Variants in STN1 observed in about 807,000 individuals in gnomAD.
STN1 encodes the protein CST complex subunit STN1.
A neutral mutation model predicts 45.5 loss-of-function variants in STN1; 29 were observed. That is an observed-to-expected ratio of 0.64 (90% CI 0.47 to 0.87). The LOEUF is 0.87. Ranked by LOEUF, STN1 falls within the 40% of genes least tolerant of loss-of-function variation. STN1 has a pLI of 0.00. For synonymous variants in STN1, 148 were observed against 159.0 expected (o/e 0.93, Z 0.52); for missense variants, 376 against 441.4 (o/e 0.85, Z 1.33).
chr10:103,892,545 C>A (rs1325554200), intron 7 of STN1, among the ~76,000 whole-genome samples: 1 of 151,866 alleles, frequency 6.6e-6, no homozygotes, highest in Non-Finnish European at 1.5e-5. Context: ...CACTGTTGGA[C>A]AATCTTTGAC....
At chr10:103,913,474 C>T (rs1376064168) in intron 2 of STN1, among the ~76,000 whole-genome samples, 1 of 151,718 alleles carries the variant, frequency 6.6e-6, no homozygotes, top group Non-Finnish European at 1.5e-5. Context: ...ATCTTAAAAG[C>T]ATCACAGAAC....
chr10:103,898,144 T>C (rs1843183660), intron 6 of STN1: 1 of 163,032 alleles, frequency 6.1e-6, no homozygotes, highest in Non-Finnish European at 1.3e-5. Flanking sequence ...TCACTTTTTA[T>C]ATGAGTCTAT....
chr10:103,900,143 T>A lies in STN1; in HGVS notation c.376A>T (p.Ile126Leu), dbSNP rs1378993349. Residue 126 changes from isoleucine (I) to leucine (L), a missense_variant, in exon 5 of 10, where the codon ATA becomes TTA. Transcript: ENST00000224950. Reference protein sequence around the residue: ...LQETIEQKTKIEIGDTIRVRG... With the variant: ...LQETIEQKTKLEIGDTIRVRG... ...ACTCGGATCGTGTCCCCGATCTCTA[T>A]CTTTGTTTTCTGCTCAATGGTCTCT... The A allele has an allele frequency of 6.2e-7, 1 of 1,614,090 alleles. No individual in the cohort carries two copies. The highest frequency in any genetic ancestry group is 8.5e-7 in the Non-Finnish European group (1 of 1,180,036).
Position 103,897,541 on chromosome 10 carries a change from C to T in STN1, c.753+7G>A. ...CCAGAATTCTCACATGGGCATGCTG[C>T]ACTCACTTGGTCGGAGGAGGCACTG... is the stretch of plus-strand genomic sequence containing the variant. On this transcript the variant is annotated splice_region_variant and intron_variant, in intron 7 of 9. Coordinates refer to ENST00000224950, the MANE Select transcript of STN1 (RefSeq NM_024928.5). The T allele has an allele frequency of 1.2e-6, 2 of 1,613,516 alleles. No homozygotes were observed. The highest frequency in any genetic ancestry group is 1.7e-6 in the Non-Finnish European group (2 of 1,179,546).
chr10:103,917,000 A>G (rs1343125171), intron 2 of STN1, among the ~76,000 whole-genome samples: 1 of 152,082 alleles, frequency 6.6e-6, no homozygotes, highest in Non-Finnish European at 1.5e-5. Context: ...CCCTTTACAT[A>G]TCAGGAATCA....
At chr10:103,906,688 A>C (rs1843243774) in intron 3 of STN1, among the ~76,000 whole-genome samples, 2 of 151,948 alleles carry the variant, frequency 1.3e-5, no homozygotes, top group Non-Finnish European at 2.9e-5. Context: ...TAAAGAGCTC[A>C]TATAAATTAA....
rs1253833555 is a variant in STN1 at position 103,917,454 on chromosome 10, C to A, written c.133+8G>T. 8 of 1,612,092 alleles carry A rather than the reference C, an allele frequency of 5.0e-6. No individual in the cohort carries two copies. The highest frequency in any genetic ancestry group is 6.8e-6 in the Non-Finnish European group (8 of 1,179,066). On this transcript the variant is annotated splice_region_variant and intron_variant, in intron 2 of 9. Transcript: ENST00000224950. ...GCCCAGGGCATCCCAGGGTGGCTAG[C>A]CACATACCTGGCACCTGGCGGGACT...
chr10:103,882,844 G>A lies in STN1; in HGVS notation c.950-3C>T, dbSNP rs1337007246. 2.5e-6 allele frequency: 4 copies of A among 1,608,612 alleles called. No individual in the cohort carries two copies. The highest frequency in any genetic ancestry group is 3.4e-6 in the Non-Finnish European group (4 of 1,176,758). ...GAAGTGACAGCCCTTCTCCATGTCTGCAGGAAAAAGGTAGGTGGCTGAGTG... is the reference window on the plus strand; with the variant it reads ...GAAGTGACAGCCCTTCTCCATGTCTACAGGAAAAAGGTAGGTGGCTGAGTG... On this transcript the variant is annotated splice_polypyrimidine_tract_variant and splice_region_variant and intron_variant, in intron 9 of 9. Coordinates refer to ENST00000224950, the MANE Select transcript of STN1 (RefSeq NM_024928.5).
rs1843112345 is a variant in STN1 at position 103,887,609 on chromosome 10, C to T, written c.949+1463G>A. On this transcript the variant is annotated intron_variant, in intron 9 of 9. Transcript: ENST00000224950. ...CCTTATAACATCTTTTATCAGCATTCTCAGTAGCTCAGGCTTCAGAATTCA... is the reference window on the plus strand; with the variant it reads ...CCTTATAACATCTTTTATCAGCATTTTCAGTAGCTCAGGCTTCAGAATTCA... Among the ~76,000 whole-genome samples, 2 of 152,160 alleles carry T rather than the reference C, an allele frequency of 1.3e-5. 1 individual carries two copies. Among genetic ancestry groups the T allele is most frequent in the South Asian group, 4.1e-4 (2 of 4,834 alleles).
At chr10:103,906,399 A>C (rs75581774) in intron 3 of STN1, among the ~76,000 whole-genome samples, 1 of 152,204 alleles carries the variant, frequency 6.6e-6, no homozygotes, top group Non-Finnish European at 1.5e-5. Flanking sequence ...GCTCATGCCT[A>C]TAATCCCAGC....
intron 3 of STN1, among the ~76,000 whole-genome samples, chr10:103,906,269 A>G (rs991552224): frequency 1.3e-5 from 2 of 152,362 alleles, no homozygotes; most frequent in Admixed American, 1.3e-4. Flanking sequence ...TCTTAAAATC[A>G]GAACTCATTA....
intron 5 of STN1, 65 bp downstream of exon 5, chr10:103,899,997 A>T: frequency 6.6e-7 from 1 of 1,517,566 alleles, no homozygotes; most frequent in Non-Finnish European, 9.1e-7. Context: ...TTCCAGCTGA[A>T]CAAGAGGTTT....
At position 103,909,444 on chromosome 10, in the gene STN1, G is replaced by GTATATATGTA. The variant is rs1564635048; in HGVS notation, c.229+1073_229+1082dup. On this transcript the variant is annotated intron_variant, in intron 3 of 9. Transcript: ENST00000224950. Reference sequence around the variant, plus strand: ...TATATGTATATATATGTATATATATGTATATATGTATATATGTATATATAT... The same window carrying GTATATATGTA: ...TATATGTATATATATGTATATATATGTATATATGTATATATATGTATATATGTATATATAT... Among the ~76,000 whole-genome samples the GTATATATGTA allele has an allele frequency of 6.8e-4, 34 of 49,902 alleles. 2 individuals carry two copies. Among genetic ancestry groups the GTATATATGTA allele is most frequent in the East Asian group, 2.0e-3 (3 of 1,516 alleles). The allele number at this position is 49,902 out of a possible 152,430, so 32.7% of individuals were successfully genotyped here. A position where few individuals can be genotyped will look rare whatever the true frequency, so the allele number is the denominator to read the frequency against.
intron 7 of STN1, among the ~76,000 whole-genome samples, chr10:103,892,644 G>A (rs1203592305): frequency 6.6e-6 from 1 of 151,946 alleles, no homozygotes; most frequent in African/African-American, 2.4e-5. Context: ...TCTTCCTAGG[G>A]ACTTCAAAGA....
In STN1 at chr10:103,877,771, A is replaced by T. The variant is rs1843040261; in HGVS notation, c.*4913T>A. 1 of 152,236 alleles carries T rather than the reference A, an allele frequency of 6.6e-6. No homozygotes were observed. Among genetic ancestry groups the T allele is most frequent in the African/African-American group, 2.4e-5 (1 of 41,462 alleles). 9.4% of individuals were successfully genotyped at this position (152,236 alleles called of 1,614,324 possible). A position where few individuals can be genotyped will look rare whatever the true frequency, so the allele number is the denominator to read the frequency against. ...CCACTGCAGAGTTCTTTGTCCACAG[A>T]CACCATCTCCCTTCAGGATGGTCCT... On this transcript the variant is annotated 3_prime_UTR_variant, in exon 10 of 10. Coordinates refer to ENST00000224950, the MANE Select transcript of STN1 (RefSeq NM_024928.5).
At chr10:103,883,061 G>A (rs1259211756) in intron 9 of STN1, among the ~76,000 whole-genome samples, 2 of 152,224 alleles carry the variant, frequency 1.3e-5, no homozygotes, top group African/African-American at 4.8e-5. Context: ...CCACTGCTCA[G>A]GGACTCTGAA....
intron 9 of STN1, among the ~76,000 whole-genome samples, chr10:103,884,900 G>C (rs935824089): frequency 2.0e-5 from 3 of 152,148 alleles, no homozygotes; most frequent in Non-Finnish European, 4.4e-5. Flanking sequence ...TTCCAACTGG[G>C]ATTGCTGGCA....
At chr10:103,905,683 T>C (rs994709628) in intron 3 of STN1, among the ~76,000 whole-genome samples, 2 of 152,180 alleles carry the variant, frequency 1.3e-5, no homozygotes, top group Non-Finnish European at 2.9e-5. Flanking sequence ...GGGTTTCTCT[T>C]TGTGAAAGAT....
chr10:103,909,470 GTATATATGTATATATA>G (rs1843272071), intron 3 of STN1, among the ~76,000 whole-genome samples: 3 of 105,262 alleles, frequency 2.9e-5, no homozygotes, highest in African/African-American at 1.3e-4. Flanking sequence ...GTATATATAT[GTATATATGTATATATA>G]TGTGTGTGTG....
Sources: gnomAD v4.1 joint callset for allele counts (sites outside exome capture counted in the v4.1 genomes callset) on GRCh38, gnomAD v4.1.1 for gene constraint, MANE v1.5 for transcripts, NCBI Gene and HGNC (gene_info 2026-07-23, HGNC 2026-07-21) for gene names.